Variants in FOXN3 observed in about 807,000 individuals in gnomAD.
FOXN3 encodes the protein forkhead box protein N3.
A neutral mutation model predicts 38.4 loss-of-function variants in FOXN3; 7 were observed. The observed-to-expected ratio is 0.18, with a 90% confidence interval of 0.10 to 0.34. FOXN3 has a LOEUF of 0.34. Among genes scored for constraint, FOXN3 ranks in the 10% least tolerant of loss-of-function variants. The probability of loss-of-function intolerance (pLI) is 1.00; values close to 1 mark genes in which losing one functional copy is unlikely to be tolerated. For synonymous variants in FOXN3, 230 were observed against 242.2 expected, an observed-to-expected ratio of 0.95 and a Z score of 0.47; for missense variants, 456 against 613.4, an observed-to-expected ratio of 0.74 and a Z score of 2.71.
chr14:89,349,894 G>A (rs1369144798), intron 3 of FOXN3: 3 of 152,072 alleles, frequency 2.0e-5, no homozygotes, highest in African/African-American at 4.8e-5. Flanking sequence ...TTAACTAGGT[G>A]GTTACGATAG....
Position 89,556,748 on chromosome 14 carries a change from A to T in FOXN3, c.-15+62280T>A, listed in dbSNP as rs1596316744. Among the ~76,000 whole-genome samples the T allele has an allele frequency of 2.0e-5, 3 of 152,196 alleles. No individual in the cohort carries two copies. In the South Asian group the frequency reaches 6.2e-4, roughly 32 times the overall value. ...AATGCCTGTGGATTCAACCTAAGAT[A>T]TTGATTCCCAAGCCGTCTCTGGCCT... On this transcript the variant is annotated intron_variant, in intron 1 of 6. Transcript: ENST00000345097.
chr14:89,187,276 T>C (rs1350755797), intron 4 of FOXN3, among the ~76,000 whole-genome samples: 1 of 152,134 alleles, frequency 6.6e-6, no homozygotes, highest in African/African-American at 2.4e-5. Flanking sequence ...GGAAGCTCTA[T>C]CAACAGAGCC....
chr14:89,390,239 T>C (rs1001067124), intron 2 of FOXN3, among the ~76,000 whole-genome samples: 1 of 147,822 alleles, frequency 6.8e-6, no homozygotes, highest in Admixed American at 6.8e-5. Flanking sequence ...AAAAAAAAAA[T>C]ATGCACTGGG....
At chr14:89,557,499 C>T (rs546638413) in intron 1 of FOXN3, among the ~76,000 whole-genome samples, 1 of 152,180 alleles carries the variant, frequency 6.6e-6, no homozygotes, top group Non-Finnish European at 1.5e-5. Flanking sequence ...AGCACCACTA[C>T]TGGTTTCAGC....
chr14:89,417,751 C>A, upstream of FOXN3: 1 of 455,920 alleles, frequency 2.2e-6, no homozygotes, highest in Non-Finnish European at 4.4e-6. Flanking sequence ...ATAGGACCCC[C>A]AGGGCCTTCC....
At chr14:89,456,150 C>T (rs558127890) in intron 1 of FOXN3, among the ~76,000 whole-genome samples, 3 of 148,490 alleles carry the variant, frequency 2.0e-5, no homozygotes, top group African/African-American at 5.0e-5. Flanking sequence ...GCCGAGATCA[C>T]GCCATTGCAC....
intron 4 of FOXN3, among the ~76,000 whole-genome samples, chr14:89,255,126 G>A (rs185621601): frequency 1.3e-5 from 2 of 152,310 alleles, no homozygotes; most frequent in East Asian, 1.9e-4. Context: ...CAGCATCAGC[G>A]ACTCCTTCTT....
chr14:89,542,675 ATT>A (rs926309760), intron 1 of FOXN3, among the ~76,000 whole-genome samples: 10 of 152,180 alleles, frequency 6.6e-5, no homozygotes, highest in Admixed American at 6.5e-4. Flanking sequence ...TACCCAGAGA[ATT>A]TCTGAAGTGT....
Position 89,310,962 on chromosome 14 carries a change from C to T in FOXN3, c.681-29948G>A, listed in dbSNP as rs60822175. 6.9e-3 allele frequency among the ~76,000 whole-genome samples: 1,050 copies of T among 151,716 alleles called. 45 individuals carry two copies. The East Asian group carries it at 0.11, about 16-fold the overall frequency. On this transcript the variant is annotated intron_variant, in intron 3 of 5. Transcript: ENST00000557258. The stretch of plus-strand genomic sequence containing the variant: ...TCTCTACTAAAAATACAAAATTAGC[C>T]GGGCGTGGCAGAGCACACCTGTAAT...
intron 3 of FOXN3, among the ~76,000 whole-genome samples, chr14:89,349,048 A>G (rs1371450763): frequency 6.6e-6 from 1 of 152,128 alleles, no homozygotes; most frequent in Non-Finnish European, 1.5e-5. Context: ...AAACCCAGAG[A>G]AGGGTATTCC....
chr14:89,300,288 T>G (rs1887178162), intron 3 of FOXN3, among the ~76,000 whole-genome samples: 1 of 151,312 alleles, frequency 6.6e-6, no homozygotes, highest in South Asian at 2.1e-4. Flanking sequence ...GTTCAAGTGA[T>G]TCTCCTGCCT....
intron 1 of FOXN3, among the ~76,000 whole-genome samples, chr14:89,567,957 C>T (rs887814002): frequency 4.6e-5 from 7 of 151,864 alleles, no homozygotes; most frequent in African/African-American, 1.7e-4. Flanking sequence ...CTCCTGACCT[C>T]GTGATCCACC....
intron 3 of FOXN3, among the ~76,000 whole-genome samples, chr14:89,310,745 G>A (rs758369687): frequency 6.6e-6 from 1 of 152,034 alleles, no homozygotes; most frequent in South Asian, 2.1e-4. Flanking sequence ...CTTATTTGGG[G>A]CTGGACGGCC....
At chr14:89,501,609 G>T (rs891102478) in intron 1 of FOXN3, among the ~76,000 whole-genome samples, 1 of 152,186 alleles carries the variant, frequency 6.6e-6, no homozygotes, top group Non-Finnish European at 1.5e-5. Flanking sequence ...GCATCCATCA[G>T]CCAGAAGTTA....
chr14:89,215,199 A>ATT (rs11442203), intron 4 of FOXN3, among the ~76,000 whole-genome samples: 3,829 of 145,764 alleles, frequency 0.026, 145 homozygotes, highest in African/African-American at 0.084. Flanking sequence ...AAGGAACCCA[A>ATT]TTTTTTTTTT....
intron 4 of FOXN3, among the ~76,000 whole-genome samples, chr14:89,242,849 C>A (rs930263463): frequency 6.6e-6 from 1 of 152,192 alleles, no homozygotes; most frequent in East Asian, 1.9e-4. Flanking sequence ...AGAATACACA[C>A]CCCAAACCAA....
chr14:89,482,831 G>T (rs1893364907), intron 1 of FOXN3, among the ~76,000 whole-genome samples: 2 of 150,714 alleles, frequency 1.3e-5, no homozygotes, highest in Admixed American at 1.3e-4. Flanking sequence ...GATCCCTTGA[G>T]CCCAGGAGTT....
At chr14:89,426,702 A>G (rs1892038665) in intron 1 of FOXN3, among the ~76,000 whole-genome samples, 1 of 152,182 alleles carries the variant, frequency 6.6e-6, no homozygotes, top group South Asian at 2.1e-4. Flanking sequence ...CACATTAATC[A>G]TGTGAAGTAG....
Position 89,162,443 on chromosome 14 carries a change from T to C in FOXN3, c.1378A>G (p.Lys460Glu), listed in dbSNP as rs373751435. The C allele has an allele frequency of 2.0e-5, 31 of 1,580,662 alleles. No homozygotes were observed. The highest frequency in any genetic ancestry group is 2.7e-5 in the Non-Finnish European group (31 of 1,164,606). Residue 460 changes from lysine to glutamate, a missense_variant, in exon 6 of 6, where the codon AAA (lysine) becomes GAA (glutamate). This residue lies in a region of FOXN3 where 386 missense variants were observed against 505.2 expected (regional missense o/e 0.76). Transcript: ENST00000557258. This position sits in a 1 kb window ranked among gnomAD's most constrained non-coding sequence, Gnocchi z 7.2. The part of the protein sequence containing the change: ...NITNRTAKGQ[K>E]EQKETTKN ...TTTTTTGTGGTTTCCTTTTGCTCTT[T>C]CTGCCCCTTTGCCGTCCGATTGGTG... is the stretch of plus-strand genomic sequence containing the variant.
Sources: gnomAD v4.1 joint callset for allele counts (sites outside exome capture counted in the v4.1 genomes callset) on GRCh38, gnomAD v4.1.1 for gene constraint, gnomAD v4.1.1 regional missense constraint, Gnocchi (gnomAD v3.1) non-coding constraint, MANE v1.5 for transcripts, NCBI Gene and HGNC (gene_info 2026-07-23, HGNC 2026-07-21) for gene names.